The following KIF6 variants were observed in gnomAD, a reference collection of about 807,000 sequenced individuals.
KIF6 encodes the protein kinesin-like protein KIF6.
A neutral mutation model predicts 112.7 loss-of-function variants in KIF6; 106 were observed. The observed-to-expected ratio is 0.94, with a 90% confidence interval of 0.80 to 1.11. KIF6 has a LOEUF of 1.11. Among genes scored for constraint, KIF6 ranks in the 50% least tolerant of loss-of-function variants. KIF6 has a pLI of 0.00. For missense variants in KIF6, 929 were observed against 964.0 expected, an observed-to-expected ratio of 0.96 and a Z score of 0.48; for synonymous variants, 339 against 339.9, an observed-to-expected ratio of 1.00 and a Z score of 0.03.
At chr6:39,522,901 T>G (rs550932793) in intron 13 of KIF6, among the ~76,000 whole-genome samples, 1 of 152,314 alleles carries the variant, frequency 6.6e-6, no homozygotes, top group Admixed American at 6.5e-5. Flanking sequence ...GAAATGAAAC[T>G]ATAACTGAGG....
chr6:39,457,697 C>T (rs1266474332), intron 13 of KIF6, among the ~76,000 whole-genome samples: 15 of 151,966 alleles, frequency 9.9e-5, no homozygotes, highest in Admixed American at 1.3e-4. Context: ...ATATCACCAC[C>T]GATCCCACAG....
intron 20 of KIF6, among the ~76,000 whole-genome samples, chr6:39,346,132 C>CCTCTCTCTCTCTCTCT (rs779814201): frequency 2.2e-4 from 6 of 26,934 alleles, no homozygotes; most frequent in Non-Finnish European, 3.6e-4. Flanking sequence ...CCTCCCTCTC[C>CCTCTCTCTCTCTCTCT]CTCTCTCTCT....
intron 3 of KIF6, among the ~76,000 whole-genome samples, chr6:39,641,107 A>G (rs988648044): frequency 6.6e-6 from 1 of 152,160 alleles, no homozygotes; most frequent in African/African-American, 2.4e-5. Context: ...TCCTCAACAG[A>G]ATTTGTTACC....
chr6:39,472,752 C>A (rs1774193244), intron 13 of KIF6, among the ~76,000 whole-genome samples: 1 of 152,200 alleles, frequency 6.6e-6, no homozygotes, highest in South Asian at 2.1e-4. Context: ...GCCAAGTAGG[C>A]CAGTGGGATT....
Position 39,419,982 on chromosome 6 carries a change from C to G in KIF6, c.1776G>C (p.Leu592=). 1.2e-6 allele frequency: 2 copies of G among 1,613,528 alleles called. No homozygotes were observed. The highest frequency in any genetic ancestry group is 1.7e-6 in the Non-Finnish European group (2 of 1,179,486). Residue 592 remains leucine, a synonymous_variant, in exon 15 of 23, where the codon CTG becomes CTC. Coordinates refer to ENST00000287152, the MANE Select transcript of KIF6 (RefSeq NM_145027.6). Reference sequence around the variant, plus strand: ...TTCTTGCTTCATTTATACTTTCTCCCAGGGCCTTGGCTTCAGAAAATCTGG... The same window carrying G: ...TTCTTGCTTCATTTATACTTTCTCCGAGGGCCTTGGCTTCAGAAAATCTGG... ...LKQRFSEAKA[L]GESINEARSK...
At chr6:39,651,242 C>T (rs1785454284) in intron 3 of KIF6, among the ~76,000 whole-genome samples, 1 of 152,164 alleles carries the variant, frequency 6.6e-6, no homozygotes, top group African/African-American at 2.4e-5. Flanking sequence ...GCTTCTGGGT[C>T]CTCCAGCCAT....
chr6:39,713,517 G>A (rs1331249280), intron 3 of KIF6, among the ~76,000 whole-genome samples: 1 of 152,166 alleles, frequency 6.6e-6, no homozygotes, highest in African/African-American at 2.4e-5. Context: ...GAGAGAGTCT[G>A]TAGTGGAAGG....
At chr6:39,573,839 C>T (rs1780776137) in intron 10 of KIF6, among the ~76,000 whole-genome samples, 1 of 152,200 alleles carries the variant, frequency 6.6e-6, no homozygotes, top group African/African-American at 2.4e-5. Flanking sequence ...GTCACCACCA[C>T]TAAATTATGA....
intron 3 of KIF6, among the ~76,000 whole-genome samples, chr6:39,664,797 T>C (rs1786369479): frequency 1.3e-5 from 2 of 152,092 alleles, no homozygotes; most frequent in African/African-American, 4.8e-5. Flanking sequence ...GATACAATCC[T>C]TAATACCGTA....
intron 13 of KIF6, among the ~76,000 whole-genome samples, chr6:39,496,575 C>G (rs910929455): frequency 5.3e-5 from 8 of 152,238 alleles, no homozygotes; most frequent in African/African-American, 1.7e-4. Context: ...GACTACCCCC[C>G]CAACTCCATC....
intron 10 of KIF6, among the ~76,000 whole-genome samples, chr6:39,563,830 T>C (rs1385576969): frequency 6.6e-6 from 1 of 152,220 alleles, no homozygotes; most frequent in East Asian, 1.9e-4. Flanking sequence ...TAAGAGCTCA[T>C]TATACCCTCA....
chr6:39,520,490 C>T (rs1212995389), intron 13 of KIF6, among the ~76,000 whole-genome samples: 1 of 152,162 alleles, frequency 6.6e-6, no homozygotes, highest in Non-Finnish European at 1.5e-5. Context: ...TCTCCAAGAA[C>T]CTCTGCTCAC....
intron 13 of KIF6, among the ~76,000 whole-genome samples, chr6:39,484,073 C>T (rs1209860335): frequency 6.6e-6 from 1 of 152,100 alleles, no homozygotes; most frequent in Non-Finnish European, 1.5e-5. Flanking sequence ...GAGAACACTT[C>T]CAAAAGTGAC....
intron 5 of KIF6, among the ~76,000 whole-genome samples, chr6:39,627,136 T>C (rs1784133056): frequency 1.3e-5 from 2 of 152,156 alleles, no homozygotes; most frequent in Admixed American, 1.3e-4. Context: ...TGGGTTCCAG[T>C]CAAACAGGTC....
At chr6:39,449,019 C>G (rs1327471947) in intron 13 of KIF6, among the ~76,000 whole-genome samples, 1 of 152,216 alleles carries the variant, frequency 6.6e-6, no homozygotes, top group Admixed American at 6.5e-5. Flanking sequence ...GCCATCAGCT[C>G]TAGCGGCAAC....
At chr6:39,382,967 C>CTTTTTTTTTTTTTTTTTTTTT (rs1554204452) in intron 16 of KIF6, among the ~76,000 whole-genome samples, 2 of 149,596 alleles carry the variant, frequency 1.3e-5, no homozygotes, top group Admixed American at 6.6e-5. Flanking sequence ...TGTATGTCTT[C>CTTTTTTTTTTTTTTTTTTTTT]TTTTGAGAAG....
chr6:39,544,618 G>T lies in KIF6; in HGVS notation c.1363C>A (p.Pro455Thr). ...SESKDQDCQE[P>T]LKEEEYRKLR... The stretch of plus-strand genomic sequence containing the variant: ...TTTCTATATTCTTCTTCTTTTAATG[G>T]TTCTTGACAATCTTGGTCTTTGCTT... The change falls in exon 12 of 23, where the codon CCA becomes ACA. Residue 455 changes from proline to threonine, a missense_variant. Physicochemically the swap from Pro to Thr is conservative, Grantham distance 38. Coordinates refer to ENST00000287152, the MANE Select transcript of KIF6 (RefSeq NM_145027.6). 6.2e-7 allele frequency: 1 copy of T among 1,611,618 alleles called. No homozygotes were observed.
intron 3 of KIF6, among the ~76,000 whole-genome samples, chr6:39,700,862 G>A (rs1025664357): frequency 2.0e-5 from 3 of 151,984 alleles, no homozygotes; most frequent in African/African-American, 7.3e-5. Context: ...ACAGGCACAT[G>A]CCACCACACC....
intron 19 of KIF6, among the ~76,000 whole-genome samples, chr6:39,353,341 G>T (rs1156677488): frequency 6.6e-6 from 1 of 152,138 alleles, no homozygotes; most frequent in African/African-American, 2.4e-5. Context: ...TGTGTACCTT[G>T]TCATGTACTT....
Sources: allele counts gnomAD v4.1 joint callset (sites outside exome capture counted in the v4.1 genomes callset), GRCh38; gene constraint gnomAD v4.1.1; transcripts MANE v1.5; gene names NCBI Gene and HGNC (gene_info 2026-07-23, HGNC 2026-07-21).